The following TRIM5 variants were observed in gnomAD, a reference collection of about 807,000 sequenced individuals.
The protein encoded by TRIM5 is tripartite motif containing 5, also known as tripartite motif-containing protein 5.
A neutral mutation model predicts 35.6 loss-of-function variants in TRIM5; 31 were observed. That is an observed-to-expected ratio of 0.87 (90% confidence interval 0.65 to 1.18). The LOEUF (loss-of-function observed/expected upper bound fraction) is 1.18, where lower values mean the gene tolerates loss of function less well. Ranked by LOEUF, TRIM5 falls within the 50% of genes most tolerant of loss-of-function variation. TRIM5 has a pLI of 0.00. For missense variants in TRIM5, 609 were observed against 591.6 expected (o/e 1.03, Z -0.31); for synonymous variants, 243 against 215.6 (o/e 1.13, Z -1.11).
At chr11:5,615,713 C>G in the TRIM5 span, among the ~76,000 whole-genome samples, 1 of 151,776 alleles carries the variant, frequency 6.6e-6, no homozygotes, top group African/African-American at 2.4e-5. Context: ...CCTGCCTCAG[C>G]CTCCCGAGTA....
At chr11:5,633,988 T>A in the TRIM5 span, 1 of 1,405,322 alleles carries the variant, frequency 7.1e-7, no homozygotes, top group Non-Finnish European at 9.8e-7. Context: ...TCCTTGACAT[T>A]GCATGAGTCC....
chr11:5,660,517 G>A (rs908678102), downstream of TRIM5, among the ~76,000 whole-genome samples: 1 of 152,020 alleles, frequency 6.6e-6, no homozygotes, highest in African/African-American at 2.4e-5. Flanking sequence ...CTGTGGGTGA[G>A]GGCATGCAGT....
the TRIM5 span, among the ~76,000 whole-genome samples, chr11:5,653,496 G>GTTTTTTTTTTT: frequency 7.5e-6 from 1 of 132,662 alleles, no homozygotes. Context: ...TGTTTTTTTT[G>GTTTTTTTTTTT]TTTTTTTTTT....
chr11:5,627,385 A>G, the TRIM5 span, among the ~76,000 whole-genome samples: 1 of 152,176 alleles, frequency 6.6e-6, no homozygotes, highest in African/African-American at 2.4e-5. Flanking sequence ...CGTCTCAAAA[A>G]AAAAGGAAGG....
the TRIM5 span, among the ~76,000 whole-genome samples, chr11:5,599,298 C>T: frequency 6.6e-6 from 1 of 152,056 alleles, no homozygotes; most frequent in East Asian, 1.9e-4. Flanking sequence ...ACAGTTTTGC[C>T]TGAAATGAAA....
the TRIM5 span, chr11:5,611,443 T>C: frequency 8.9e-7 from 1 of 1,120,762 alleles, no homozygotes; most frequent in East Asian, 2.4e-5. Context: ...TCAATTCTTT[T>C]GTTGTTTTTT....
At chr11:5,638,175 T>C in the TRIM5 span, among the ~76,000 whole-genome samples, 1 of 152,232 alleles carries the variant, frequency 6.6e-6, no homozygotes, top group African/African-American at 2.4e-5. Context: ...TGTACTGTCA[T>C]TGCAGTGAAG....
the TRIM5 span, chr11:5,632,865 C>G: frequency 2.2e-6 from 3 of 1,356,872 alleles, no homozygotes; most frequent in South Asian, 1.6e-5. Flanking sequence ...CTCACTCTGT[C>G]GCCCAGGCTG....
chr11:5,650,036 T>C, the TRIM5 span, among the ~76,000 whole-genome samples: 4 of 152,182 alleles, frequency 2.6e-5, no homozygotes, highest in African/African-American at 9.7e-5. Context: ...TCCTATGAAG[T>C]GAGTTCCTTG....
the TRIM5 span, among the ~76,000 whole-genome samples, chr11:5,615,375 C>G: frequency 4.6e-5 from 7 of 152,128 alleles, no homozygotes; most frequent in Non-Finnish European, 8.8e-5. Context: ...TTGCCTATTT[C>G]TCCTGCAATT....
the TRIM5 span, among the ~76,000 whole-genome samples, chr11:5,615,535 T>G: frequency 6.6e-6 from 1 of 152,130 alleles, no homozygotes; most frequent in Non-Finnish European, 1.5e-5. Flanking sequence ...AAATTCTACT[T>G]TGTTAGGTAT....
At chr11:5,603,852 G>T in the TRIM5 span, 1 of 1,451,944 alleles carries the variant, frequency 6.9e-7, no homozygotes, top group Non-Finnish European at 9.1e-7. Flanking sequence ...GAATGAACCT[G>T]GAAACTGCCT....
chr11:5,665,324 G>T lies in TRIM5; in HGVS notation c.967C>A (p.Pro323Thr). 6.2e-7 allele frequency: 1 copy of T among 1,614,118 alleles called. No homozygotes were observed. Among genetic ancestry groups the T allele is most frequent in the Admixed American group, 1.7e-5 (1 of 60,002 alleles). Residue 323 changes from proline to threonine, a missense_variant, in exon 8 of 8, where the codon CCG becomes ACG. Transcript: ENST00000380034. ...ISEDKRQVSSPKPQIIYGARG... is the reference protein window; with the variant it reads ...ISEDKRQVSSTKPQIIYGARG... ...GCCCCATATATTATCTGTGGTTTCG[G>T]AGAGCTCACTTGTCTCTTATCTTCA...
the TRIM5 span, among the ~76,000 whole-genome samples, chr11:5,657,475 T>C: frequency 7.3e-6 from 1 of 137,190 alleles, no homozygotes; most frequent in Non-Finnish European, 1.6e-5. Flanking sequence ...ATAAAATATT[T>C]ATATATAATG....
chr11:5,603,817 T>G, the TRIM5 span: 1 of 1,510,638 alleles, frequency 6.6e-7, no homozygotes, highest in South Asian at 1.3e-5. Flanking sequence ...TGATCTAATC[T>G]CTTTGTAGTC....
the TRIM5 span, among the ~76,000 whole-genome samples, chr11:5,637,430 G>C: frequency 3.9e-5 from 6 of 152,144 alleles, no homozygotes; most frequent in Non-Finnish European, 5.9e-5. Flanking sequence ...AATTAGATGA[G>C]ATTTTAGGTT....
At chr11:5,661,045 A>T, downstream of TRIM5, among the ~76,000 whole-genome samples, 1 of 7,482 alleles carries the variant, frequency 1.3e-4, no homozygotes, top group East Asian at 4.5e-3. Context: ...CCGTCTCAAA[A>T]AAAAAAAAAA....
intron 5 of TRIM5, 27 bp downstream of exon 5, chr11:5,667,662 G>C: frequency 1.9e-6 from 3 of 1,611,966 alleles, no homozygotes; most frequent in Non-Finnish European, 2.5e-6. Flanking sequence ...CTGCACAAAA[G>C]GACCATCTCT....
At chr11:5,596,759 G>A in the TRIM5 span, 2 of 1,328,148 alleles carry the variant, frequency 1.5e-6, no homozygotes, top group South Asian at 1.2e-5. Flanking sequence ...GCAGAGTCGT[G>A]CGTGGTTGAG....
Sources: allele counts gnomAD v4.1 joint callset (sites outside exome capture counted in the v4.1 genomes callset), GRCh38; gene constraint gnomAD v4.1.1; transcripts MANE v1.5; gene names NCBI Gene and HGNC (gene_info 2026-07-23, HGNC 2026-07-21).